The following SKAP1 variants were observed in gnomAD, a reference collection of about 807,000 sequenced individuals.
The protein encoded by SKAP1 is src kinase-associated phosphoprotein 1.
SKAP1 carries 44 observed loss-of-function variants against 58.5 expected under a neutral mutation model. The ratio of observed to expected loss-of-function variants is 0.75; its 90% CI spans 0.59 to 0.97. The LOEUF (loss-of-function observed/expected upper bound fraction) is 0.97, where lower values mean the gene tolerates loss of function less well. Among genes scored for constraint, SKAP1 ranks in the 50% least tolerant of loss-of-function variants. The pLI is 0.00. For missense variants in SKAP1, 390 were observed against 435.2 expected, an observed-to-expected ratio of 0.90 and a Z score of 0.92; for synonymous variants, 127 against 149.7, an observed-to-expected ratio of 0.85 and a Z score of 1.11.
At chr17:48,394,129 CGGGGGATCGCTTGAGCCCAGGAG>C (rs2067385182) in intron 2 of SKAP1, among the ~76,000 whole-genome samples, 1 of 151,812 alleles carries the variant, frequency 6.6e-6, no homozygotes, top group Non-Finnish European at 1.5e-5. Flanking sequence ...AGGCTGAGGT[CGGGGGATCGCTTGAGCCCAGGAG>C]GTCGAGGCTG....
intron 4 of SKAP1, among the ~76,000 whole-genome samples, chr17:48,316,389 G>A (rs905017590): frequency 6.6e-5 from 10 of 152,102 alleles, no homozygotes; most frequent in South Asian, 2.1e-4. Flanking sequence ...TGGAATGCTC[G>A]TCCCTTAGAT....
intron 4 of SKAP1, among the ~76,000 whole-genome samples, chr17:48,335,726 T>C (rs2066559039): frequency 1.3e-5 from 2 of 152,102 alleles, no homozygotes; most frequent in Non-Finnish European, 2.9e-5. Flanking sequence ...TATCTGTGAA[T>C]TTGGCTTAAA....
intron 1 of SKAP1, among the ~76,000 whole-genome samples, chr17:48,408,891 G>T (rs2067625037): frequency 6.6e-6 from 1 of 152,194 alleles, no homozygotes; most frequent in Non-Finnish European, 1.5e-5. Flanking sequence ...CAACTTCACT[G>T]CTGTACTTCA....
chr17:48,376,184 C>T (rs2067148286), intron 2 of SKAP1, among the ~76,000 whole-genome samples: 1 of 152,126 alleles, frequency 6.6e-6, no homozygotes, highest in South Asian at 2.1e-4. Context: ...TCTTCGACCA[C>T]TGAGACGCCA....
chr17:48,423,568 C>G (rs1567908949), intron 1 of SKAP1, among the ~76,000 whole-genome samples: 1 of 152,022 alleles, frequency 6.6e-6, no homozygotes, highest in Non-Finnish European at 1.5e-5. Context: ...GTCGCTAGCA[C>G]AACTGAGGAA....
chr17:48,210,346 T>C (rs2064857145), intron 4 of SKAP1, among the ~76,000 whole-genome samples: 1 of 152,194 alleles, frequency 6.6e-6, no homozygotes, highest in South Asian at 2.1e-4. Context: ...CAGGATTATC[T>C]GGAGTGGGGC....
At chr17:48,361,151 A>G (rs186368712) in intron 3 of SKAP1, among the ~76,000 whole-genome samples, 4 of 151,768 alleles carry the variant, frequency 2.6e-5, no homozygotes, top group Admixed American at 2.0e-4. Flanking sequence ...GTACCTTTTA[A>G]ATGGGTAAAT....
Position 48,345,922 on chromosome 17 carries a change from G to T in SKAP1, c.263C>A (p.Ser88Ter). Reference sequence around the variant, plus strand: ...ACACTCACCCTCATCCTGATAATCTGACAAAAAGGGTGCATCGGATGTGAG... The same window carrying T: ...ACACTCACCCTCATCCTGATAATCTTACAAAAAGGGTGCATCGGATGTGAG... Reference protein sequence around the residue: ...LSLTSDAPFLSDYQDEGMEDI... With the variant: ...LSLTSDAPFL Residue 88 changes from serine (S) to a stop codon, truncating the protein, a stop_gained, in exon 4 of 13, where the codon TCA becomes TAA. Coordinates refer to ENST00000336915, the MANE Select transcript of SKAP1 (RefSeq NM_003726.4). LOFTEE classifies it high-confidence loss of function. 1 of 1,612,428 alleles carries T rather than the reference G, an allele frequency of 6.2e-7. No homozygotes were observed. The highest frequency in any genetic ancestry group is 8.5e-7 in the Non-Finnish European group (1 of 1,178,744).
intron 11 of SKAP1, among the ~76,000 whole-genome samples, chr17:48,148,756 C>G (rs1249290063): frequency 6.6e-6 from 1 of 151,926 alleles, no homozygotes; most frequent in Non-Finnish European, 1.5e-5. Flanking sequence ...TTGGGGGAGG[C>G]GCAGGCCGGG....
intron 4 of SKAP1, among the ~76,000 whole-genome samples, chr17:48,311,648 T>C (rs1272544011): frequency 6.6e-6 from 1 of 152,180 alleles, no homozygotes; most frequent in Non-Finnish European, 1.5e-5. Context: ...TTAACCAAAG[T>C]GTGAACTGCC....
chr17:48,432,765 C>T (rs1296369273), upstream of SKAP1, among the ~76,000 whole-genome samples: 1 of 152,146 alleles, frequency 6.6e-6, no homozygotes, highest in Non-Finnish European at 1.5e-5. Context: ...AATTTGATAA[C>T]CTCCCCCTCT....
chr17:48,300,067 C>T (rs1279662718), intron 4 of SKAP1, among the ~76,000 whole-genome samples: 2 of 152,272 alleles, frequency 1.3e-5, no homozygotes, highest in East Asian at 3.9e-4. Flanking sequence ...CTGTTTTTAA[C>T]TATGAGTGTT....
chr17:48,390,957 C>T (rs2067337120), intron 2 of SKAP1, among the ~76,000 whole-genome samples: 1 of 152,052 alleles, frequency 6.6e-6, no homozygotes, highest in Admixed American at 6.5e-5. Flanking sequence ...CGCCTGTAGT[C>T]CCAGCTACTC....
At chr17:48,259,289 A>C (rs1286763984) in intron 4 of SKAP1, among the ~76,000 whole-genome samples, 2 of 152,110 alleles carry the variant, frequency 1.3e-5, no homozygotes, top group African/African-American at 2.4e-5. Flanking sequence ...AAATAATTCA[A>C]AATTCTCATA....
intron 4 of SKAP1, among the ~76,000 whole-genome samples, chr17:48,199,293 A>G (rs958284481): frequency 1.3e-5 from 2 of 152,166 alleles, no homozygotes; most frequent in African/African-American, 4.8e-5. Context: ...TCCAGCATAC[A>G]AAGATTTTTA....
rs1352129965 is a variant in SKAP1 at position 48,133,503 on chromosome 17, T to C, written c.*321A>G. 6.6e-6 allele frequency: 1 copy of C among 152,242 alleles called. No homozygotes were observed. Among genetic ancestry groups the C allele is most frequent in the African/African-American group, 2.4e-5 (1 of 41,456 alleles). The allele number at this position is 152,242 out of a possible 1,614,324, so 9.4% of individuals were successfully genotyped here. ...TCAAACCAGCCAGAACAACCAGTAA[T>C]GTCCTCCTCCCAAGGTTTCCTTCTC... On this transcript the variant is annotated 3_prime_UTR_variant, in exon 13 of 13. Transcript: ENST00000336915.
upstream of SKAP1, among the ~76,000 whole-genome samples, chr17:48,432,100 T>C (rs2067922587): frequency 6.6e-6 from 1 of 152,202 alleles, no homozygotes; most frequent in African/African-American, 2.4e-5. Flanking sequence ...CTGGGGTATC[T>C]GGCTCCTGCT....
chr17:48,321,243 TG>T (rs2066358379), intron 4 of SKAP1, among the ~76,000 whole-genome samples: 1 of 152,114 alleles, frequency 6.6e-6, no homozygotes, highest in Non-Finnish European at 1.5e-5. Flanking sequence ...GATATAAATA[TG>T]TAACTTGTTC....
intron 4 of SKAP1, among the ~76,000 whole-genome samples, chr17:48,204,979 T>TTTCTTTCTC (rs1216470652): frequency 5.3e-4 from 30 of 57,054 alleles, no homozygotes; most frequent in African/African-American, 2.2e-3. Flanking sequence ...TTTCTTTTCT[T>TTTCTTTCTC]TCTTTCTTTC....
Sources: allele counts gnomAD v4.1 joint callset (sites outside exome capture counted in the v4.1 genomes callset), GRCh38; gene constraint gnomAD v4.1.1; transcripts MANE v1.5; gene names NCBI Gene and HGNC (gene_info 2026-07-23, HGNC 2026-07-21).